The following FHIT variants were observed in gnomAD, a reference collection of about 807,000 sequenced individuals.
The protein encoded by FHIT is bis(5'-adenosyl)-triphosphatase.
FHIT carries 19 observed loss-of-function variants against 17.9 expected under a neutral mutation model. That is an observed-to-expected ratio of 1.06 (90% confidence interval 0.74 to 1.56). FHIT has a LOEUF of 1.56. FHIT is among the 40% of genes most tolerant of loss of function. FHIT has a pLI of 0.00. For synonymous variants in FHIT, 81 were observed against 69.7 expected, an observed-to-expected ratio of 1.16 and a Z score of -0.81; for missense variants, 248 against 189.2, an observed-to-expected ratio of 1.31 and a Z score of -1.82.
chr3:60,144,757 T>A (rs2107311195), intron 5 of FHIT, among the ~76,000 whole-genome samples: 1 of 152,254 alleles, frequency 6.6e-6, no homozygotes, highest in Middle Eastern at 3.4e-3. Context: ...TAGCCTCTTT[T>A]CTAGTTATTT....
Position 60,878,641 on chromosome 3 carries a change from GC to G in FHIT, c.-110-56631del, listed in dbSNP as rs540962106. Among the ~76,000 whole-genome samples the G allele has an allele frequency of 3.2e-3, 479 of 151,026 alleles. 5 individuals carry two copies. The highest frequency in any genetic ancestry group is 0.011 in the African/African-American group (459 of 41,010). On this transcript the variant is annotated intron_variant, in intron 3 of 9. Transcript: ENST00000492590. ...ATCTCCTAATGCTATCCCTCCCCCT[GC>G]CCCCACCCCACAACAGGCCCCGGTG...
intron 8 of FHIT, among the ~76,000 whole-genome samples, chr3:59,786,313 C>A (rs1054351338): frequency 3.3e-5 from 5 of 152,104 alleles, no homozygotes; most frequent in Non-Finnish European, 7.4e-5. Context: ...CTGGCTAATG[C>A]AAAAAACACA....
chr3:60,367,790 T>C (rs1396463276), intron 5 of FHIT, among the ~76,000 whole-genome samples: 1 of 152,176 alleles, frequency 6.6e-6, no homozygotes, highest in African/African-American at 2.4e-5. Flanking sequence ...TCTACCACTC[T>C]AGGAAGTTCT....
chr3:60,715,416 T>C (rs1553706484), intron 4 of FHIT, among the ~76,000 whole-genome samples: 1 of 152,078 alleles, frequency 6.6e-6, no homozygotes, highest in Admixed American at 6.6e-5. Context: ...GTGGCACATA[T>C]ACACCATGGA....
Position 60,732,527 on chromosome 3 carries a change from C to G in FHIT, c.-18+89392G>C, listed in dbSNP as rs189639856. On this transcript the variant is annotated intron_variant, in intron 4 of 9. Coordinates refer to ENST00000492590, the MANE Select transcript of FHIT (RefSeq NM_002012.4). ...TCCTTTCTTTCCAGCGCTCAGAGCA[C>G]GAAAGTTTTCTGCTGTCTTTGGAAC... The G allele has an allele frequency of 1.2e-5, 8 of 657,568 alleles. No individual in the cohort carries two copies. In the Admixed American group the frequency reaches 1.3e-4, roughly 10 times the overall value. 40.7% of individuals were successfully genotyped at this position (657,568 alleles called of 1,614,324 possible).
chr3:60,774,320 G>A (rs1404669024), intron 4 of FHIT, among the ~76,000 whole-genome samples: 1 of 152,026 alleles, frequency 6.6e-6, no homozygotes, highest in Non-Finnish European at 1.5e-5. Flanking sequence ...TTCTTTTTGA[G>A]ATGGAGTTCC....
chr3:60,229,933 G>C (rs1218602928), intron 5 of FHIT, among the ~76,000 whole-genome samples: 1 of 152,174 alleles, frequency 6.6e-6, no homozygotes, highest in African/African-American at 2.4e-5. Flanking sequence ...AGTGAGCTAT[G>C]ATTGTGCCAC....
At chr3:61,202,994 T>A (rs111938895) in intron 1 of FHIT, among the ~76,000 whole-genome samples, 2 of 151,752 alleles carry the variant, frequency 1.3e-5, no homozygotes, top group African/African-American at 2.4e-5. Context: ...TCCTGGCTAA[T>A]ATGGTGAAAC....
At chr3:60,742,442 T>G (rs1553714118) in intron 4 of FHIT, among the ~76,000 whole-genome samples, 2 of 152,158 alleles carry the variant, frequency 1.3e-5, no homozygotes, top group African/African-American at 4.8e-5. Flanking sequence ...TACTGTCCAT[T>G]TCTCCTGATT....
chr3:60,390,072 C>T (rs145534056), intron 5 of FHIT, among the ~76,000 whole-genome samples: 1 of 152,246 alleles, frequency 6.6e-6, no homozygotes, highest in African/African-American at 2.4e-5. Flanking sequence ...TGACATTTAT[C>T]TAAGCATTGT....
At chr3:59,855,945 T>C (rs1012535361) in intron 8 of FHIT, among the ~76,000 whole-genome samples, 3 of 96,784 alleles carry the variant, frequency 3.1e-5, no homozygotes. Flanking sequence ...CACGCCCGGC[T>C]AATTTTTTTG....
At chr3:60,403,467 T>G (rs1471343577) in intron 5 of FHIT, among the ~76,000 whole-genome samples, 1 of 152,118 alleles carries the variant, frequency 6.6e-6, no homozygotes, top group Non-Finnish European at 1.5e-5. Flanking sequence ...TTGGACCTTC[T>G]CCAGCCCTCC....
intron 5 of FHIT, among the ~76,000 whole-genome samples, chr3:60,443,389 G>C (rs1234807076): frequency 6.6e-6 from 1 of 152,140 alleles, no homozygotes; most frequent in Non-Finnish European, 1.5e-5. Context: ...TGCCCATTCA[G>C]TATGATATTG....
rs183523119 is a variant in FHIT, at chr3:60,925,628, G to A, written c.-110-103617C>T. Among the ~76,000 whole-genome samples the A allele has an allele frequency of 5.8e-3, 885 of 152,292 alleles. 6 individuals are homozygous for A. Among genetic ancestry groups the A allele is most frequent in the African/African-American group, 0.02 (827 of 41,540 alleles). ...AATATACCAAATTGTAAAGCCCATC[G>A]AGGCTAGGAAGAAACTGCATCAACT... On this transcript the variant is annotated intron_variant, in intron 3 of 9. Transcript: ENST00000492590.
intron 4 of FHIT, among the ~76,000 whole-genome samples, chr3:60,684,122 C>T (rs1406131004): frequency 2.0e-5 from 3 of 152,062 alleles, no homozygotes; most frequent in Non-Finnish European, 4.4e-5. Flanking sequence ...CTTTGTGGCT[C>T]TCACAGCTCT....
At chr3:60,644,575 T>C (rs1232135285) in intron 4 of FHIT, among the ~76,000 whole-genome samples, 1 of 152,198 alleles carries the variant, frequency 6.6e-6, no homozygotes, top group Non-Finnish European at 1.5e-5. Flanking sequence ...CATGATCCAT[T>C]GCATAAAACA....
chr3:60,052,129 A>C (rs781118540), intron 5 of FHIT, among the ~76,000 whole-genome samples: 4 of 152,130 alleles, frequency 2.6e-5, no homozygotes, highest in Non-Finnish European at 4.4e-5. Flanking sequence ...CTTGTATATA[A>C]AAAACTTGGA....
intron 5 of FHIT, among the ~76,000 whole-genome samples, chr3:60,437,842 C>T (rs1413561325): frequency 6.6e-6 from 1 of 151,988 alleles, no homozygotes; most frequent in African/African-American, 2.4e-5. Context: ...GGCTGACATA[C>T]TTTAAGATAT....
At chr3:61,080,309 T>A (rs962795367) in intron 2 of FHIT, among the ~76,000 whole-genome samples, 1 of 152,172 alleles carries the variant, frequency 6.6e-6, no homozygotes, top group African/African-American at 2.4e-5. Flanking sequence ...TTTCTGAGCC[T>A]ACTCCAGTTT....
Sources: gnomAD v4.1 joint callset for allele counts (sites outside exome capture counted in the v4.1 genomes callset) on GRCh38, gnomAD v4.1.1 for gene constraint, MANE v1.5 for transcripts, NCBI Gene and HGNC (gene_info 2026-07-23, HGNC 2026-07-21) for gene names.